IL3RA: variants seen among roughly 807,000 people sequenced by gnomAD.
IL3RA encodes interleukin-3 receptor subunit alpha.
Under a neutral mutation model 52.3 loss-of-function variants are expected in IL3RA, and 73 were observed. The ratio of observed to expected loss-of-function variants is 1.40; its 90% CI spans 1.16 to 1.70. The LOEUF is 1.70. Among genes scored for constraint, IL3RA ranks in the 40% most tolerant of loss-of-function variants. IL3RA has a pLI of 0.00. For missense variants in IL3RA, 664 were observed against 504.4 expected (o/e 1.32, Z -3.03); for synonymous variants, 260 against 194.0 (o/e 1.34, Z -2.83).
chrX:1,358,941 T>C (rs2086944182), intron 8 of IL3RA, 54 bp downstream of exon 8: 1 of 1,371,118 alleles, frequency 7.3e-7, no homozygotes, highest in Non-Finnish European at 9.9e-7. Flanking sequence ...GGGTGAGTTT[T>C]ATTATTATTA....
intron 9 of IL3RA, among the ~76,000 whole-genome samples, chrX:1,366,664 C>G (rs867801037): frequency 7.2e-4 from 3 of 4,138 alleles, no homozygotes; most frequent in Admixed American, 2.9e-3. Context: ...AGCCGGGTGC[C>G]CCGGGTGAGC....
rs138652407 is a variant in IL3RA, at chrX:1,344,714, G to T, written c.65-602G>T. On this transcript the variant is annotated intron_variant, in intron 2 of 11. Transcript: ENST00000331035. ...CTTGAACCCGGGAGGTAGAGGTTGC[G>T]GTGAGCTGAGATCGTGCCACTGCAC... is the stretch of plus-strand genomic sequence containing the variant. 7.3e-5 allele frequency among the ~76,000 whole-genome samples: 11 copies of T among 150,378 alleles called. No homozygotes were observed. The South Asian group carries it at 2.3e-3, about 32-fold the overall frequency.
intron 7 of IL3RA, among the ~76,000 whole-genome samples, chrX:1,358,165 G>A (rs1290504207): frequency 6.6e-6 from 1 of 152,020 alleles, no homozygotes; most frequent in Non-Finnish European, 1.5e-5. Flanking sequence ...ACTGATTTGA[G>A]GGAGCAGGCA....
rs1175512307 is a variant in IL3RA at position 1,348,652 on chromosome X, T to TTC, written c.298+109_298+110dup. 2.8e-5 allele frequency: 10 copies of TTC among 360,580 alleles called. No homozygotes were observed. In the African/African-American group the frequency reaches 4.3e-4, roughly 16 times the overall value. The allele number at this position is 360,580 out of a possible 1,614,324, so 22.3% of individuals were successfully genotyped here. Reference sequence around the variant, plus strand: ...TTTTTTCTTTTCTTTTTCTCTTTCTTTCTTTCTTTCTTTCTTTCTTTCTTT... The same window carrying TTC: ...TTTTTTCTTTTCTTTTTCTCTTTCTTTCTCTTTCTTTCTTTCTTTCTTTCTTT... On this transcript the variant is annotated intron_variant, in intron 4 of 11. Transcript: ENST00000331035.
intron 10 of IL3RA, among the ~76,000 whole-genome samples, chrX:1,380,223 T>C (rs1242310980): frequency 2.7e-5 from 4 of 149,034 alleles, no homozygotes; most frequent in Middle Eastern, 3.5e-3. Flanking sequence ...AGATGGAGTT[T>C]CTCCATGTTG....
chrX:1,378,787 G>T, intron 10 of IL3RA, 23 bp downstream of exon 10: 1 of 1,594,922 alleles, frequency 6.3e-7, no homozygotes, highest in Non-Finnish European at 8.6e-7. Context: ...GGGCGTCCGC[G>T]AGCGTCGCTT....
chrX:1,339,806 CA>C, intron 1 of IL3RA, among the ~76,000 whole-genome samples: 2 of 151,882 alleles, frequency 1.3e-5, no homozygotes, highest in South Asian at 4.2e-4. Context: ...AAAAACAAAA[CA>C]AAACAAAACA....
intron 3 of IL3RA, among the ~76,000 whole-genome samples, chrX:1,345,717 C>A (rs1272397875): frequency 1.1e-4 from 17 of 151,790 alleles, no homozygotes; most frequent in Non-Finnish European, 2.2e-4. Context: ...GTCTCGATCT[C>A]CTGACCTCGT....
chrX:1,356,498 T>G (rs1178510699), intron 7 of IL3RA, among the ~76,000 whole-genome samples, 162 bp downstream of exon 7: 3 of 151,944 alleles, frequency 2.0e-5, no homozygotes, highest in Non-Finnish European at 4.4e-5. Context: ...GGCCGGGCGC[T>G]GTGGCTCACG....
rs767401722 is a variant in IL3RA at position 1,368,397 on chromosome X, C to G, written c.874+3145C>G. 2.6e-5 allele frequency among the ~76,000 whole-genome samples: 4 copies of G among 152,020 alleles called. No homozygotes were observed. The East Asian group carries it at 7.8e-4, about 30-fold the overall frequency. ...GTCAGGAGTTCGAGACCAGCCTGAC[C>G]AACATGGAAAAACCCTGTCTCTACT... On this transcript the variant is annotated intron_variant, in intron 9 of 11. Transcript: ENST00000331035.
At position 1,346,808 on chromosome X, in the gene IL3RA, G is replaced by A. The variant is rs145934172; in HGVS notation, c.183+1374G>A. Among the ~76,000 whole-genome samples, 291 of 151,248 alleles carry A rather than the reference G, an allele frequency of 1.9e-3. 14 individuals are homozygous for A. Among genetic ancestry groups the A allele is most frequent in the African/African-American group, 6.6e-3 (268 of 40,738 alleles). ...TCAGTGTCTTATGGGAAAGGAGCAC[G>A]TTTCCCTGAGAACCTATTTGGTCCC... On this transcript the variant is annotated intron_variant, in intron 3 of 11. Coordinates refer to ENST00000331035, the MANE Select transcript of IL3RA (RefSeq NM_002183.4).
chrX:1,343,424 G>T (rs1603442962), intron 2 of IL3RA, among the ~76,000 whole-genome samples: 2 of 151,920 alleles, frequency 1.3e-5, no homozygotes, highest in African/African-American at 4.8e-5. Context: ...CAGCACTTTG[G>T]GAGGCTGAGG....
At chrX:1,344,507 G>A (rs1161576656) in intron 2 of IL3RA, among the ~76,000 whole-genome samples, 1 of 151,586 alleles carries the variant, frequency 6.6e-6, no homozygotes, top group Non-Finnish European at 1.5e-5. Flanking sequence ...GGGCATGGTG[G>A]CTCATGCTTG....
intron 2 of IL3RA, among the ~76,000 whole-genome samples, chrX:1,342,985 G>T (rs17883016): frequency 0.037 from 5,576 of 151,886 alleles, 356 homozygotes; most frequent in African/African-American, 0.13. Flanking sequence ...TGAGGCAGGA[G>T]AGTCGCTTGA....
chrX:1,351,847 C>G (rs2086099118), intron 4 of IL3RA, among the ~76,000 whole-genome samples: 1 of 151,888 alleles, frequency 6.6e-6, no homozygotes, highest in African/African-American at 2.4e-5. Flanking sequence ...CCAGGCTGGT[C>G]TCGAACTCCG....
rs1227700974 is a variant in IL3RA, at chrX:1,345,866, G to C, written c.183+432G>C. Among the ~76,000 whole-genome samples, 8 of 151,990 alleles carry C rather than the reference G, an allele frequency of 5.3e-5. No homozygotes were observed. The East Asian group carries it at 1.5e-3, about 29-fold the overall frequency. On this transcript the variant is annotated intron_variant, in intron 3 of 11. Transcript: ENST00000331035. ...CAGAACCAATACTGCTCCCATCGCT[G>C]GTGTCATGACTACCTGGTTTCTGCC...
At chrX:1,348,633 C>CTT (rs1295961973) in intron 4 of IL3RA, 88 bp downstream of exon 4, 3 of 789,758 alleles carry the variant, frequency 3.8e-6, no homozygotes, top group East Asian at 2.7e-5. Context: ...TGTCTTTTTT[C>CTT]TTTTCTTTTT....
At position 1,345,314 on chromosome X, in the gene IL3RA, A is replaced by C. The variant is rs751242341; in HGVS notation, c.65-2A>C. 6.2e-7 allele frequency: 1 copy of C among 1,604,014 alleles called. No individual in the cohort carries two copies. The highest frequency in any genetic ancestry group is 1.1e-5 in the South Asian group (1 of 90,288). On this transcript the variant is annotated splice_acceptor_variant, in intron 2 of 11. Coordinates refer to ENST00000331035, the MANE Select transcript of IL3RA (RefSeq NM_002183.4). LOFTEE classifies it high-confidence loss of function. Reference sequence around the variant, plus strand: ...TCGAACTCCAACCTGTCACCGTTTTAGATCCAAACCCACCAATCACGAACC... The same window carrying C: ...TCGAACTCCAACCTGTCACCGTTTTCGATCCAAACCCACCAATCACGAACC...
At chrX:1,357,744 T>A (rs2086845623) in intron 7 of IL3RA, among the ~76,000 whole-genome samples, 1 of 151,912 alleles carries the variant, frequency 6.6e-6, no homozygotes, top group African/African-American at 2.4e-5. Flanking sequence ...AAACGTTAGG[T>A]CTATTAATTT....
Sources: allele counts gnomAD v4.1 joint callset (sites outside exome capture counted in the v4.1 genomes callset), GRCh38; gene constraint gnomAD v4.1.1; transcripts MANE v1.5; gene names NCBI Gene and HGNC (gene_info 2026-07-23, HGNC 2026-07-21).